BRPF1: variants seen among roughly 807,000 people sequenced by gnomAD.
BRPF1 encodes the protein peregrin.
BRPF1 carries 15 observed loss-of-function variants against 115.0 expected under a neutral mutation model. The ratio of observed to expected loss-of-function variants is 0.13; its 90% confidence interval spans 0.09 to 0.20. The LOEUF is 0.20. BRPF1 is among the 10% of genes least tolerant of loss of function. The pLI is 1.00. For missense variants in BRPF1, 1,118 were observed against 1,638.3 expected (o/e 0.68, Z 5.48); for synonymous variants, 647 against 619.8 (o/e 1.04, Z -0.65).
rs2125518172 is a variant in BRPF1, at chr3:9,747,369, A to T, written c.*20A>T. The T allele has an allele frequency of 6.2e-7, 1 of 1,609,204 alleles. No individual in the cohort carries two copies. The highest frequency in any genetic ancestry group is 8.5e-7 in the Non-Finnish European group (1 of 1,176,798). ...GATTGATACTGCTCAACACAGCCCA[A>T]CCTATAGTGCCCTGTGACTTCTCTC... On this transcript the variant is annotated 3_prime_UTR_variant, in exon 14 of 14. Transcript: ENST00000383829. This position sits in a 1 kb window ranked among gnomAD's most constrained non-coding sequence, Gnocchi z 5.6.
chr3:9,743,654 G>A lies in BRPF1; in HGVS notation c.2388G>A (p.Leu796=), dbSNP rs1382872201. 6.2e-7 allele frequency: 1 copy of A among 1,614,006 alleles called. No homozygotes were observed. The highest frequency in any genetic ancestry group is 8.5e-7 in the Non-Finnish European group (1 of 1,180,034). The change falls in exon 8 of 14, where the codon CTG becomes CTA. Residue 796 remains leucine, a synonymous_variant. Transcript: ENST00000383829. The surrounding 1 kb of genome is among the most constrained non-coding windows in gnomAD (Gnocchi z 6.1). ...TGGAAGAACAGCTAAAGCTGCTTCT[G>A]GAGCGGCTGGACGAAGTGAATGCCA... ...LPVEEQLKLL[L]ERLDEVNASK...
chr3:9,735,506 AG>A (rs1360825149), intron 2 of BRPF1, among the ~76,000 whole-genome samples: 1 of 152,206 alleles, frequency 6.6e-6, no homozygotes, highest in African/African-American at 2.4e-5. Context: ...CCATCTGCAG[AG>A]CAGATACGGT....
rs781235866 is a variant in BRPF1, at chr3:9,734,429, C to T, written c.289C>T (p.Arg97Cys). ...REVMSYAQAQRMVEVDLHGRV... is the reference protein window; with the variant it reads ...REVMSYAQAQCMVEVDLHGRV... ...GGTGATGAGCTATGCACAGGCCCAG[C>T]GCATGGTGGAGGTGGACTTGCATGG... The change falls in exon 2 of 14, where the codon CGC becomes TGC. Residue 97 changes from arginine to cysteine, a missense_variant. By Grantham distance (180) the Arg-to-Cys change is radical. Coordinates refer to ENST00000383829, the MANE Select transcript of BRPF1 (RefSeq NM_001003694.2). This position sits in a 1 kb window ranked among gnomAD's most constrained non-coding sequence, Gnocchi z 5.7. 1.4e-5 allele frequency: 22 copies of T among 1,614,002 alleles called. No homozygotes were observed. Among genetic ancestry groups the T allele is most frequent in the African/African-American group, 1.2e-4 (9 of 74,906 alleles).
At chr3:9,741,216 T>C in intron 4 of BRPF1, 92 bp from the exon 5 acceptor site, 2 of 1,450,408 alleles carry the variant, frequency 1.4e-6, no homozygotes, top group Non-Finnish European at 1.9e-6. Context: ...CTCCCTCTTT[T>C]GGCTTGACCT....
chr3:9,733,185 C>G (rs1456020697), intron 1 of BRPF1: 1 of 152,196 alleles, frequency 6.6e-6, no homozygotes, highest in Non-Finnish European at 1.5e-5. Context: ...CATCTCCTAC[C>G]CAGTACCAGG....
Position 9,747,081 on chromosome 3 carries a change from G to C in BRPF1, c.3480-85G>C. On this transcript the variant is annotated intron_variant, in intron 13 of 13. Transcript: ENST00000383829. The surrounding 1 kb of genome is among the most constrained non-coding windows in gnomAD (Gnocchi z 5.6). ...AGAGTCTGGCCAGAGTGGGTGCTTG[G>C]GTGGTGTGTTTGAGTGAATAGAGGA... is the stretch of plus-strand genomic sequence containing the variant. 1 of 1,475,092 alleles carries C rather than the reference G, an allele frequency of 6.8e-7. No homozygotes were observed. Among genetic ancestry groups the C allele is most frequent in the South Asian group, 1.2e-5 (1 of 81,154 alleles). 91.4% of individuals were successfully genotyped at this position (1,475,092 alleles called of 1,614,324 possible).
At chr3:9,746,990 A>G (rs1458776776) in intron 13 of BRPF1, among the ~76,000 whole-genome samples, 176 bp from the exon 14 acceptor site, 3 of 152,154 alleles carry the variant, frequency 2.0e-5, no homozygotes, top group South Asian at 2.1e-4. Context: ...ACCACACAGT[A>G]TAACTGTTGA....
In BRPF1 at chr3:9,743,572, C is replaced by G. The variant is rs748948725; in HGVS notation, c.2312-6C>G. ...TCTGACCTTTCCCCTCCAACCCTAC[C>G]CCTAGCAGCCGAGGAAGAGCGGCTG... On this transcript the variant is annotated splice_polypyrimidine_tract_variant and splice_region_variant and intron_variant, in intron 7 of 13. Transcript: ENST00000383829. The surrounding 1 kb of genome is among the most constrained non-coding windows in gnomAD (Gnocchi z 6.1). 6.8e-6 allele frequency: 11 copies of G among 1,609,758 alleles called. No individual in the cohort carries two copies. Among genetic ancestry groups the G allele is most frequent in the Middle Eastern group, 1.7e-4 (1 of 6,060 alleles).
Position 9,743,812 on chromosome 3 carries a change from G to A in BRPF1, c.2546G>A (p.Gly849Asp). The A allele has an allele frequency of 1.2e-6, 2 of 1,611,482 alleles. No homozygotes were observed. Among genetic ancestry groups the A allele is most frequent in the South Asian group, 1.1e-5 (1 of 91,000 alleles). The change falls in exon 8 of 14, where the codon GGT (glycine) becomes GAT (aspartate). Residue 849 changes from glycine (G) to aspartate (D), a missense_variant. Gly to Asp is a moderately conservative substitution (Grantham distance 94, BLOSUM62 -1). Around this residue, in one of 10 missense-constraint regions of BRPF1, gnomAD observed 223 missense variants for 240.7 expected, o/e 0.93. Coordinates refer to ENST00000383829, the MANE Select transcript of BRPF1 (RefSeq NM_001003694.2). This position sits in a 1 kb window ranked among gnomAD's most constrained non-coding sequence, Gnocchi z 6.1. Reference protein sequence around the residue: ...GPERHGPSSRGSLTPHPAACD... With the variant: ...GPERHGPSSRDSLTPHPAACD... Reference sequence around the variant, plus strand: ...GAGCGGCATGGCCCCTCGAGCCGGGGTAGTCTGACACCCCACCCGGCAGCC... The same window carrying A: ...GAGCGGCATGGCCCCTCGAGCCGGGATAGTCTGACACCCCACCCGGCAGCC...
rs142175258 is a variant in BRPF1 at position 9,740,890 on chromosome 3, A to T, written c.1671A>T (p.Leu557=). The T allele has an allele frequency of 6.2e-7, 1 of 1,613,916 alleles. No individual in the cohort carries two copies. Among genetic ancestry groups the T allele is most frequent in the South Asian group, 1.1e-5 (1 of 91,084 alleles). ...KRQSRNGVPL[L]RRLQTHLQSQ... ...AGTCACGGAATGGGGTCCCATTGCT[A>T]CGTCGCCTGCAGACACACCTGCAAT... is the stretch of plus-strand genomic sequence containing the variant. The change falls in exon 4 of 14, where the codon CTA becomes CTT. Residue 557 remains leucine, a synonymous_variant. Transcript: ENST00000383829.
rs778390528 is a variant in BRPF1, at chr3:9,743,208, C to T, written c.2266C>T (p.Pro756Ser). 1.9e-6 allele frequency: 3 copies of T among 1,614,182 alleles called. No homozygotes were observed. Among genetic ancestry groups the T allele is most frequent in the Non-Finnish European group, 2.5e-6 (3 of 1,180,012 alleles). ...GIDFETGMHIPHSLAGDEATH... is the reference protein window; with the variant it reads ...GIDFETGMHISHSLAGDEATH... ...TGACTTTGAGACGGGCATGCATATCCCCCACAGCCTGGCTGGAGATGAGGC... is the reference window on the plus strand; with the variant it reads ...TGACTTTGAGACGGGCATGCATATCTCCCACAGCCTGGCTGGAGATGAGGC... Residue 756 changes from proline to serine, a missense_variant, in exon 7 of 14, where the codon CCC (proline) becomes TCC (serine). Around this residue, in one of 10 missense-constraint regions of BRPF1, gnomAD observed 223 missense variants for 240.7 expected, o/e 0.93. Transcript: ENST00000383829. The surrounding 1 kb of genome is among the most constrained non-coding windows in gnomAD (Gnocchi z 6.1).
At chr3:9,744,909 A>G in intron 9 of BRPF1, 99 bp from the exon 10 acceptor site, 2 of 1,536,858 alleles carry the variant, frequency 1.3e-6, no homozygotes, top group Non-Finnish European at 1.8e-6. Context: ...TCCAGCACAG[A>G]AGGGGAACCC....
In BRPF1 at chr3:9,735,917, C is replaced by G. The variant is rs112908591; in HGVS notation, c.599+1178C>G. On this transcript the variant is annotated intron_variant, in intron 2 of 13. Transcript: ENST00000383829. ...GTTTGTTTTCAGCTACTTAGAAGGC[C>G]TGGTCTCTGAGGAGGATTTGTCATA... 1.8e-3 allele frequency among the ~76,000 whole-genome samples: 272 copies of G among 151,826 alleles called. 2 individuals carry two copies. Among genetic ancestry groups the G allele is most frequent in the African/African-American group, 6.4e-3 (264 of 41,368 alleles).
intron 2 of BRPF1, 26 bp from the exon 3 acceptor site, chr3:9,738,973 T>C (rs566202477): frequency 1.3e-6 from 2 of 1,524,964 alleles, no homozygotes; most frequent in Non-Finnish European, 8.8e-7. Flanking sequence ...AACCATGTGA[T>C]GCTGAGTTCC....
intron 4 of BRPF1, 47 bp downstream of exon 4, chr3:9,740,988 G>A (rs745814695): frequency 1.3e-6 from 2 of 1,567,342 alleles, no homozygotes; most frequent in Non-Finnish European, 1.7e-6. Context: ...GCGCCAGGGG[G>A]ACGAAAACCA....
In BRPF1 at chr3:9,736,004, A is replaced by ATTT. The variant is rs34061910; in HGVS notation, c.599+1288_599+1290dup. ...GCAGTCCACATGATGTTAAACCTCC[A>ATTT]TTTTTTTTTTTTTTTTTTTTTTTTT... is the stretch of plus-strand genomic sequence containing the variant. On this transcript the variant is annotated intron_variant, in intron 2 of 13. Coordinates refer to ENST00000383829, the MANE Select transcript of BRPF1 (RefSeq NM_001003694.2). Among the ~76,000 whole-genome samples the ATTT allele has an allele frequency of 4.0e-3, 356 of 89,288 alleles. 1 individual carries two copies. The highest frequency in any genetic ancestry group is 5.3e-3 in the Non-Finnish European group (260 of 48,936). 58.6% of individuals were successfully genotyped at this position (89,288 alleles called of 152,430 possible).
chr3:9,744,649 A>AC (rs1387058736), intron 9 of BRPF1, 141 bp downstream of exon 9: 2 of 678,752 alleles, frequency 2.9e-6, no homozygotes, highest in Non-Finnish European at 4.7e-6. Flanking sequence ...CCACTCACTC[A>AC]TCTTACAGTT....
intron 2 of BRPF1, among the ~76,000 whole-genome samples, chr3:9,735,529 T>C (rs1270972756): frequency 2.6e-5 from 4 of 152,204 alleles, no homozygotes; most frequent in African/African-American, 9.7e-5. Context: ...TTTCTCTGTC[T>C]CCCAAAAGGT....
At position 9,745,508 on chromosome 3, in the gene BRPF1, C is replaced by T; in HGVS notation, c.3069-65C>T. 6.4e-7 allele frequency: 1 copy of T among 1,555,872 alleles called. No homozygotes were observed. The highest frequency in any genetic ancestry group is 8.9e-7 in the Non-Finnish European group (1 of 1,129,812). ...CCCTGCGGGCTTTAAGAGCTGAGGG[C>T]ACATACCATGCTGTTCCCCATTCTT... On this transcript the variant is annotated intron_variant, in intron 10 of 13. Transcript: ENST00000383829. This position sits in a 1 kb window ranked among gnomAD's most constrained non-coding sequence, Gnocchi z 5.1.
Sources: allele counts gnomAD v4.1 joint callset (sites outside exome capture counted in the v4.1 genomes callset), GRCh38; gene constraint gnomAD v4.1.1; regional missense constraint gnomAD v4.1.1; non-coding constraint Gnocchi (gnomAD v3.1); transcripts MANE v1.5; gene names NCBI Gene and HGNC (gene_info 2026-07-23, HGNC 2026-07-21).